ADAMTSL1: variants seen among roughly 807,000 people sequenced by gnomAD.
ADAMTSL1 encodes ADAMTS-like protein 1.
In ADAMTSL1, 126 loss-of-function variants were observed where a neutral mutation model predicts 201.8. The observed-to-expected ratio is 0.62, with a 90% CI of 0.54 to 0.72. The LOEUF (loss-of-function observed/expected upper bound fraction) is 0.72. Among genes scored for constraint, ADAMTSL1 ranks in the 30% least tolerant of loss-of-function variants. The pLI is 0.00. For missense variants in ADAMTSL1, 2,679 were observed against 2,277.8 expected (o/e 1.18, Z -3.59); for synonymous variants, 1,121 against 903.4 (o/e 1.24, Z -4.32).
chr9:17,964,458 C>T (rs973235368), intron 1 of ADAMTSL1, among the ~76,000 whole-genome samples: 44 of 152,080 alleles, frequency 2.9e-4, no homozygotes, highest in African/African-American at 1.0e-3. Context: ...GAGAAGGGAA[C>T]AGTCAGGAGG....
intron 2 of ADAMTSL1, among the ~76,000 whole-genome samples, chr9:18,270,688 TA>T (rs1207502864): frequency 6.6e-6 from 1 of 152,160 alleles, no homozygotes; most frequent in African/African-American, 2.4e-5. Context: ...AGAGGTGTGG[TA>T]GGGGAAGCTA....
intron 2 of ADAMTSL1, among the ~76,000 whole-genome samples, chr9:18,375,809 T>A (rs1837265556): frequency 1.3e-5 from 2 of 152,224 alleles, no homozygotes; most frequent in Admixed American, 1.3e-4. Context: ...CCTGCCCATG[T>A]CCTGCCGATT....
chr9:18,393,418 C>T (rs1048802485), intron 2 of ADAMTSL1, among the ~76,000 whole-genome samples: 1 of 152,146 alleles, frequency 6.6e-6, no homozygotes, highest in African/African-American at 2.4e-5. Context: ...AAGACTCACC[C>T]AGTTTTAGCA....
chr9:18,231,090 TA>T (rs2132407344), intron 2 of ADAMTSL1, among the ~76,000 whole-genome samples: 1 of 152,302 alleles, frequency 6.6e-6, no homozygotes, highest in African/African-American at 2.4e-5. Flanking sequence ...AGACCAGCTC[TA>T]CCTTTCTTGA....
chr9:18,800,155 T>C (rs1453862305), intron 20 of ADAMTSL1, among the ~76,000 whole-genome samples: 3 of 152,070 alleles, frequency 2.0e-5, no homozygotes, highest in African/African-American at 7.2e-5. Flanking sequence ...GGCGGGCAGA[T>C]GGCCTGAAGT....
At chr9:18,403,566 C>A (rs1818068731) in intron 2 of ADAMTSL1, among the ~76,000 whole-genome samples, 1 of 152,112 alleles carries the variant, frequency 6.6e-6, no homozygotes, top group African/African-American at 2.4e-5. Flanking sequence ...TAATACAGAG[C>A]CTAACACATG....
chr9:18,900,986 G>A (rs1357639883), intron 26 of ADAMTSL1, among the ~76,000 whole-genome samples: 3 of 152,162 alleles, frequency 2.0e-5, no homozygotes, highest in South Asian at 4.2e-4. Context: ...ACAAAAGAGA[G>A]TCTGGTGCCT....
At chr9:18,056,582 G>C (rs1288987210) in intron 1 of ADAMTSL1, among the ~76,000 whole-genome samples, 1 of 152,130 alleles carries the variant, frequency 6.6e-6, no homozygotes, top group African/African-American at 2.4e-5. Context: ...TTCTGTGGGA[G>C]GTAGGGAGCA....
intron 1 of ADAMTSL1, among the ~76,000 whole-genome samples, chr9:18,072,585 T>C (rs1823017855): frequency 6.6e-6 from 1 of 152,246 alleles, no homozygotes; most frequent in Non-Finnish European, 1.5e-5. Flanking sequence ...TGTTATTTTC[T>C]ATCTCACAAA....
chr9:18,764,842 T>C (rs757706913), intron 16 of ADAMTSL1, among the ~76,000 whole-genome samples: 12 of 152,204 alleles, frequency 7.9e-5, no homozygotes, highest in Non-Finnish European at 1.5e-4. Context: ...TTAAAACTTT[T>C]CTTGCAGCTG....
chr9:18,440,073 C>T (rs767813641), intron 2 of ADAMTSL1, among the ~76,000 whole-genome samples: 1 of 152,092 alleles, frequency 6.6e-6, no homozygotes, highest in Non-Finnish European at 1.5e-5. Flanking sequence ...CACTGCAGAC[C>T]CTGCTTAAAA....
intron 1 of ADAMTSL1, among the ~76,000 whole-genome samples, chr9:18,060,341 T>C (rs1209389849): frequency 6.6e-6 from 1 of 152,158 alleles, no homozygotes; most frequent in Non-Finnish European, 1.5e-5. Context: ...TTTGTTCAGT[T>C]ATACTGTAGG....
At chr9:18,003,105 T>A (rs1261494702) in intron 1 of ADAMTSL1, among the ~76,000 whole-genome samples, 1 of 151,952 alleles carries the variant, frequency 6.6e-6, no homozygotes, top group African/African-American at 2.4e-5. Context: ...GAGAATGGAT[T>A]TGAGGGAGCA....
intron 3 of ADAMTSL1, among the ~76,000 whole-genome samples, chr9:18,543,631 G>A (rs1397742035): frequency 6.6e-6 from 1 of 152,158 alleles, no homozygotes; most frequent in Non-Finnish European, 1.5e-5. Context: ...AATATTTGCA[G>A]CAATTACTCT....
chr9:17,945,990 C>T (rs114767616), intron 1 of ADAMTSL1, among the ~76,000 whole-genome samples: 1,655 of 151,498 alleles, frequency 0.011, 28 homozygotes, highest in African/African-American at 0.039. Flanking sequence ...AAAAGAAAAT[C>T]TTCCACCACA....
At chr9:18,591,068 C>T (rs1001633360) in intron 4 of ADAMTSL1, among the ~76,000 whole-genome samples, 1 of 152,048 alleles carries the variant, frequency 6.6e-6, no homozygotes, top group Non-Finnish European at 1.5e-5. Context: ...TAGTTTAACC[C>T]TGATGCTTTT....
intron 1 of ADAMTSL1, among the ~76,000 whole-genome samples, chr9:18,093,870 C>A (rs78521235): frequency 0.02 from 3,083 of 152,124 alleles, 100 homozygotes; most frequent in African/African-American, 0.07. Flanking sequence ...GAGGACAGGG[C>A]TCACTAGTGA....
intron 3 of ADAMTSL1, among the ~76,000 whole-genome samples, chr9:18,566,865 C>CATGAA (rs1821933450): frequency 6.6e-6 from 1 of 152,158 alleles, no homozygotes; most frequent in South Asian, 2.1e-4. Context: ...AGAACGCAGG[C>CATGAA]ATGACATGAT....
chr9:18,165,395 A>T (rs1827587597), intron 2 of ADAMTSL1, among the ~76,000 whole-genome samples: 1 of 151,992 alleles, frequency 6.6e-6, no homozygotes, highest in Non-Finnish European at 1.5e-5. Context: ...GAATTGTCAC[A>T]GTAGTTCCAC....
Sources: allele counts gnomAD v4.1 joint callset (sites outside exome capture counted in the v4.1 genomes callset), GRCh38; gene constraint gnomAD v4.1.1; transcripts MANE v1.5; gene names NCBI Gene and HGNC (gene_info 2026-07-23, HGNC 2026-07-21).